Variants in NNT observed in about 807,000 individuals in gnomAD.
NNT encodes NAD(P) transhydrogenase, mitochondrial.
In NNT, 50 loss-of-function variants were observed where a neutral mutation model predicts 104.8. That is an observed-to-expected ratio of 0.48 (90% CI 0.38 to 0.60). The LOEUF is 0.60. Ranked by LOEUF, NNT falls within the 20% of genes least tolerant of loss-of-function variation. The pLI is 0.00. For synonymous variants in NNT, 461 were observed against 490.4 expected, an observed-to-expected ratio of 0.94 and a Z score of 0.79; for missense variants, 1,131 against 1,330.7, an observed-to-expected ratio of 0.85 and a Z score of 2.33.
chr5:43,665,279 G>C (rs913893439), intron 17 of NNT, among the ~76,000 whole-genome samples: 11 of 150,622 alleles, frequency 7.3e-5, no homozygotes, highest in African/African-American at 2.7e-4. Flanking sequence ...GTGTTTCTCG[G>C]AGAGGGGGAT....
chr5:43,619,055 C>G lies in NNT; in HGVS notation c.623C>G (p.Ala208Gly), dbSNP rs1273798624. ...AGTTATAAGGCTGTTGTCCTAGCAGCAAATCATTTTGGACGTTTTTTTACT... is the reference window on the plus strand; with the variant it reads ...AGTTATAAGGCTGTTGTCCTAGCAGGAAATCATTTTGGACGTTTTTTTACT... ...IAGYKAVVLAANHFGRFFTGQ... is the reference protein window; with the variant it reads ...IAGYKAVVLAGNHFGRFFTGQ... Residue 208 changes from alanine (A) to glycine (G), a missense_variant, in exon 5 of 22, where the codon GCA (alanine) becomes GGA (glycine). Coordinates refer to ENST00000344920, the MANE Select transcript of NNT (RefSeq NM_182977.3). 1 of 1,549,778 alleles carries G rather than the reference C, an allele frequency of 6.5e-7. No individual in the cohort carries two copies.
chr5:43,614,875 C>T (rs1749692767), intron 3 of NNT, among the ~76,000 whole-genome samples: 2 of 152,202 alleles, frequency 1.3e-5, no homozygotes, highest in South Asian at 2.1e-4. Flanking sequence ...CAGTGGCTCA[C>T]GCCTGTAATC....
chr5:43,612,072 A>G (rs1429302342), intron 2 of NNT, among the ~76,000 whole-genome samples: 1 of 152,194 alleles, frequency 6.6e-6, no homozygotes. Flanking sequence ...GCTGTGACCC[A>G]TCTTCTCTCT....
rs113029770 is a variant in NNT, at chr5:43,639,719, C to A, written c.965-4473C>A. 9.2e-3 allele frequency among the ~76,000 whole-genome samples: 1,401 copies of A among 152,136 alleles called. 14 individuals are homozygous for A. Among genetic ancestry groups the A allele is most frequent in the African/African-American group, 0.032 (1,311 of 41,514 alleles). On this transcript the variant is annotated intron_variant, in intron 7 of 21. Coordinates refer to ENST00000344920, the MANE Select transcript of NNT (RefSeq NM_182977.3). ...GCTTGATGTCCTACAGTTTTCTTGG[C>A]AAAAGTGTGGAAATAAGTCCCTCTG...
chr5:43,655,810 T>C, intron 14 of NNT, 30 bp from the exon 15 acceptor site: 1 of 1,546,228 alleles, frequency 6.5e-7, no homozygotes, highest in South Asian at 1.1e-5. Context: ...GTTTGTCAAG[T>C]TTTAATTTAT....
Position 43,615,816 on chromosome 5 carries a change from A to T in NNT, c.382-32A>T, listed in dbSNP as rs767192023. 1.0e-5 allele frequency: 15 copies of T among 1,498,834 alleles called. No homozygotes were observed. The South Asian group carries it at 1.7e-4, about 17-fold the overall frequency. 92.8% of individuals were successfully genotyped at this position (1,498,834 alleles called of 1,614,324 possible). A position where few individuals can be genotyped will look rare whatever the true frequency, so the allele number is the denominator to read the frequency against. Reference sequence around the variant, plus strand: ...TTAAAAATATGATTAAAGTATTTATATTTATAATCTGTGACTTGATTTTTT... The same window carrying T: ...TTAAAAATATGATTAAAGTATTTATTTTTATAATCTGTGACTTGATTTTTT... On this transcript the variant is annotated intron_variant, in intron 3 of 21. Transcript: ENST00000344920.
intron 1 of NNT, among the ~76,000 whole-genome samples, chr5:43,605,522 CAAAA>C (rs70997416): frequency 1.3e-4 from 5 of 37,760 alleles, no homozygotes; most frequent in South Asian, 2.3e-3. Context: ...GACTCCGTCT[CAAAA>C]AAAAAAAAAA....
At chr5:43,618,889 C>A in intron 4 of NNT, 143 bp from the exon 5 acceptor site, 1 of 392,100 alleles carries the variant, frequency 2.6e-6, no homozygotes, top group Admixed American at 4.4e-5. Context: ...ACACTTAGAA[C>A]TGTTTTTGAC....
intron 7 of NNT, 34 bp downstream of exon 7, chr5:43,628,421 A>C: frequency 6.8e-7 from 1 of 1,473,898 alleles, no homozygotes; most frequent in Non-Finnish European, 9.1e-7. Context: ...TTTTAAAAGC[A>C]CTTTTACTCT....
rs1300526799 is a variant in NNT, at chr5:43,615,849, T to C, written c.383T>C (p.Val128Ala). 4.4e-6 allele frequency: 7 copies of C among 1,605,646 alleles called. No individual in the cohort carries two copies. The highest frequency in any genetic ancestry group is 4.3e-6 in the Non-Finnish European group (5 of 1,176,296). The part of the protein sequence containing the change: ...EVLASDLVVK[V>A]RAPMVNPTLG... ...TCTGTGACTTGATTTTTTCCCCAGG[T>C]GCGAGCCCCTATGGTTAATCCAACA... Residue 128 changes from valine to alanine, a missense_variant and splice_region_variant, in exon 4 of 22, where the codon GTG becomes GCG. Physicochemically the swap from Val to Ala is moderately conservative, Grantham distance 64 (BLOSUM62 0). Coordinates refer to ENST00000344920, the MANE Select transcript of NNT (RefSeq NM_182977.3).
intron 13 of NNT, among the ~76,000 whole-genome samples, chr5:43,652,417 A>G (rs1739814213): frequency 1.3e-5 from 2 of 152,224 alleles, no homozygotes; most frequent in Non-Finnish European, 2.9e-5. Flanking sequence ...CCAACTTGTA[A>G]TATAACAGAC....
intron 19 of NNT, among the ~76,000 whole-genome samples, chr5:43,699,909 C>T (rs910126151): frequency 6.6e-6 from 1 of 152,174 alleles, no homozygotes; most frequent in Admixed American, 6.5e-5. Context: ...GTTATAGTTT[C>T]TGCACACTAA....
intron 19 of NNT, among the ~76,000 whole-genome samples, chr5:43,679,962 CATCTT>C (rs1458579942): frequency 6.6e-6 from 1 of 151,502 alleles, no homozygotes; most frequent in Non-Finnish European, 1.5e-5. Flanking sequence ...TATTTATAGT[CATCTT>C]TCTTTCATAT....
intron 17 of NNT, among the ~76,000 whole-genome samples, 162 bp downstream of exon 17, chr5:43,659,512 C>T (rs943211839): frequency 4.6e-5 from 7 of 152,122 alleles, no homozygotes; most frequent in East Asian, 1.9e-4. Flanking sequence ...AGGTGGATCA[C>T]GAGCTCAGGA....
At chr5:43,647,716 C>A (rs1051221410) in intron 10 of NNT, among the ~76,000 whole-genome samples, 5 of 151,944 alleles carry the variant, frequency 3.3e-5, no homozygotes, top group Non-Finnish European at 7.4e-5. Context: ...GATAAGAAAA[C>A]CTTCAGGTGT....
chr5:43,624,169 AG>A, intron 6 of NNT, 49 bp downstream of exon 6: 1 of 1,538,424 alleles, frequency 6.5e-7, no homozygotes, highest in Non-Finnish European at 9.0e-7. Context: ...ATTTTGTTTC[AG>A]GGGCATATTA....
At chr5:43,652,187 A>G (rs918869069) in intron 13 of NNT, among the ~76,000 whole-genome samples, 1 of 152,220 alleles carries the variant, frequency 6.6e-6, no homozygotes, top group Non-Finnish European at 1.5e-5. Context: ...TTATGTATCT[A>G]GCTAGATTGC....
chr5:43,654,622 G>A (rs1054750453), intron 14 of NNT, among the ~76,000 whole-genome samples: 1 of 152,228 alleles, frequency 6.6e-6, no homozygotes, highest in East Asian at 1.9e-4. Context: ...AGATGTAAGA[G>A]TTTAGCAAAG....
intron 17 of NNT, chr5:43,666,782 T>C (rs1384848416): frequency 1.5e-6 from 2 of 1,301,910 alleles, no homozygotes; most frequent in African/African-American, 1.5e-5. Context: ...GAAGGCTTTG[T>C]AGGGGCCTCG....
Sources: allele counts gnomAD v4.1 joint callset (sites outside exome capture counted in the v4.1 genomes callset), GRCh38; gene constraint gnomAD v4.1.1; transcripts MANE v1.5; gene names NCBI Gene and HGNC (gene_info 2026-07-23, HGNC 2026-07-21).